PHF1: variants seen among roughly 807,000 people sequenced by gnomAD.
PHF1 encodes polycomb-like 1.
In PHF1, 16 loss-of-function variants were observed where a neutral mutation model predicts 69.4. That is an observed-to-expected ratio of 0.23 (90% CI 0.16 to 0.35). PHF1 has a LOEUF of 0.35. Ranked by LOEUF, PHF1 falls within the 10% of genes least tolerant of loss-of-function variation. PHF1 has a pLI of 1.00. For missense variants in PHF1, 515 were observed against 732.8 expected (o/e 0.70, Z 3.43); for synonymous variants, 274 against 275.0 (o/e 1.00, Z 0.04).
chr6:33,416,264 T>C lies in PHF1; in HGVS notation c.*166T>C, dbSNP rs552385077. 32 of 528,836 alleles carry C rather than the reference T, an allele frequency of 6.1e-5. No homozygotes were observed. In the Admixed American group the frequency reaches 9.1e-4, roughly 15 times the overall value. The allele number at this position is 528,836 out of a possible 1,614,324, so 32.8% of individuals were successfully genotyped here. A position where few individuals can be genotyped will look rare whatever the true frequency, so the allele number is the denominator to read the frequency against. On this transcript the variant is annotated 3_prime_UTR_variant, in exon 15 of 15. Coordinates refer to ENST00000374516, the MANE Select transcript of PHF1 (RefSeq NM_024165.3). Reference sequence around the variant, plus strand: ...GGAGTGGGGAAGAGGCCCTCTTCTCTACCCTCCTTCATGATTCCTGACCCC... The same window carrying C: ...GGAGTGGGGAAGAGGCCCTCTTCTCCACCCTCCTTCATGATTCCTGACCCC...
Position 33,415,021 on chromosome 6 carries a change from G to T in PHF1, c.1116G>T (p.Glu372Asp), listed in dbSNP as rs996557732. ...SRPLGKRRRP[E>D]PEPLRRRQKG... ...CCCTGGGGAAGCGCCGGAGGCCGGA[G>T]CCAGAGCCCCTGAGGAGGAGGCAGA... is the stretch of plus-strand genomic sequence containing the variant. Residue 372 changes from glutamate (E) to aspartate (D), a missense_variant, in exon 12 of 15, where the codon GAG (glutamate) becomes GAT (aspartate). This residue lies in a region of PHF1 where 274 missense variants were observed against 304.5 expected (regional missense o/e 0.90). Transcript: ENST00000374516. 1.3e-6 allele frequency: 2 copies of T among 1,577,168 alleles called. No homozygotes were observed. The highest frequency in any genetic ancestry group is 2.7e-5 in the African/African-American group (2 of 73,668).
chr6:33,412,161 CA>C lies in PHF1; in HGVS notation c.-16-86del, dbSNP rs1322027652. On this transcript the variant is annotated intron_variant, in intron 1 of 14. Coordinates refer to ENST00000374516, the MANE Select transcript of PHF1 (RefSeq NM_024165.3). This position sits in a 1 kb window ranked among gnomAD's most constrained non-coding sequence, Gnocchi z 4.2. ...TGGGCGACAGAGCAAAACTCCATCT[CA>C]GGAAAAAAAAAAAAAAAAGAAAAAG... is the stretch of plus-strand genomic sequence containing the variant. 2.1e-6 allele frequency: 2 copies of C among 953,652 alleles called. No individual in the cohort carries two copies. Among genetic ancestry groups the C allele is most frequent in the Non-Finnish European group, 3.0e-6 (2 of 658,412 alleles). The allele number at this position is 953,652 out of a possible 1,614,324, so 59.1% of individuals were successfully genotyped here.
chr6:33,411,488 C>T (rs1187084032), intron 1 of PHF1, among the ~76,000 whole-genome samples: 1 of 152,002 alleles, frequency 6.6e-6, no homozygotes, highest in African/African-American at 2.4e-5. Context: ...CTTAATGAGA[C>T]GCGCAGGCCT....
Position 33,414,565 on chromosome 6 carries a change from G to A in PHF1, c.944+21G>A. The A allele has an allele frequency of 1.2e-6, 2 of 1,612,662 alleles. No homozygotes were observed. Among genetic ancestry groups the A allele is most frequent in the South Asian group, 2.2e-5 (2 of 91,038 alleles). On this transcript the variant is annotated intron_variant, in intron 10 of 14. Transcript: ENST00000374516. The surrounding 1 kb of genome is among the most constrained non-coding windows in gnomAD (Gnocchi z 5.0). ...GACCGGTGAGTTGGAGGGAAGAGGA[G>A]GCAAGGATGAGGCTCGGAAAGAGAT...
At chr6:33,410,505 G>C (rs1380846313), upstream of PHF1, 1 of 119,644 alleles carries the variant, frequency 8.4e-6, no homozygotes. Context: ...AGTCCTCCCA[G>C]GTGCCGCGCG....
In PHF1 at chr6:33,413,571, G is replaced by A. The variant is rs750120408; in HGVS notation, c.587+14G>A. On this transcript the variant is annotated intron_variant, in intron 6 of 14. Transcript: ENST00000374516. ...TGGCCCTGGGGAGTGAGTAATGAGA[G>A]GGGAGCAGACTGTGGAATGAATGAT... is the stretch of plus-strand genomic sequence containing the variant. 3 of 1,614,136 alleles carry A rather than the reference G, an allele frequency of 1.9e-6. No homozygotes were observed. In the East Asian group the frequency reaches 6.7e-5, roughly 36 times the overall value.
intron 13 of PHF1, 90 bp downstream of exon 13, chr6:33,415,419 C>G (rs565996743): frequency 5.5e-6 from 7 of 1,266,780 alleles, no homozygotes; most frequent in Non-Finnish European, 7.9e-6. Flanking sequence ...TTTCCCTCTC[C>G]CCCTTGGCTA....
chr6:33,411,420 G>T (rs920489690), intron 1 of PHF1, among the ~76,000 whole-genome samples: 2 of 152,064 alleles, frequency 1.3e-5, no homozygotes, highest in Non-Finnish European at 1.5e-5. Context: ...CTAACCCGGG[G>T]GCAGGGAGCC....
In PHF1 at chr6:33,415,834, T is replaced by G; in HGVS notation, c.1440T>G (p.Gly480=). 6.2e-7 allele frequency: 1 copy of G among 1,600,720 alleles called. No homozygotes were observed. Among genetic ancestry groups the G allele is most frequent in the South Asian group, 1.1e-5 (1 of 90,270 alleles). ...GGTCACCCCTGGAACTTCACATTGG[T>G]TTCCCCACAGACATCCCTAAAAGTG... ...PDRSPLELHI[G]FPTDIPKSAP... is the part of the protein sequence containing the mutation. The change falls in exon 15 of 15, where the codon GGT becomes GGG. Residue 480 remains glycine, a synonymous_variant. Transcript: ENST00000374516.
rs200495976 is a variant in PHF1, at chr6:33,415,900, C to A, written c.1506C>A (p.Ser502=). The A allele has an allele frequency of 6.2e-7, 1 of 1,613,342 alleles. No homozygotes were observed. Among genetic ancestry groups the A allele is most frequent in the Admixed American group, 1.7e-5 (1 of 59,936 alleles). ...SMTASSSSVS[S]PSPGLPRRSA... ...CTGCCTCATCTTCCTCAGTTTCATC[C>A]CCATCCCCAGGTCTTCCTAGACGCT... The change falls in exon 15 of 15, where the codon TCC becomes TCA. Residue 502 remains serine, a synonymous_variant. Coordinates refer to ENST00000374516, the MANE Select transcript of PHF1 (RefSeq NM_024165.3).
chr6:33,412,585 C>A lies in PHF1; in HGVS notation c.237C>A (p.Ser79Arg). 6.2e-7 allele frequency: 1 copy of A among 1,614,124 alleles called. No individual in the cohort carries two copies. Among genetic ancestry groups the A allele is most frequent in the Non-Finnish European group, 8.5e-7 (1 of 1,179,964 alleles). Reference sequence around the variant, plus strand: ...TTCTGGTTCTATGGAAAGACATTAGCCCTGGTAAGACTCTAGAGACCTGAG... The same window carrying A: ...TTCTGGTTCTATGGAAAGACATTAGACCTGGTAAGACTCTAGAGACCTGAG... ...SQFLVLWKDI[S>R]PAALPGEELL... The change falls in exon 3 of 15, where the codon AGC (serine) becomes AGA (arginine). Residue 79 changes from serine (S) to arginine (R), a missense_variant. Ser to Arg is a moderately radical substitution (Grantham distance 110, BLOSUM62 -1). Transcript: ENST00000374516. The surrounding 1 kb of genome is among the most constrained non-coding windows in gnomAD (Gnocchi z 4.2).
In PHF1 at chr6:33,415,865, C is replaced by G. The variant is rs377274632; in HGVS notation, c.1471C>G (p.His491Asp). The G allele has an allele frequency of 4.0e-5, 64 of 1,609,452 alleles. 1 individual carries two copies. The Middle Eastern group carries it at 9.9e-4, about 25-fold the overall frequency. The stretch of plus-strand genomic sequence containing the variant: ...CACAGACATCCCTAAAAGTGCCCCC[C>G]ACTCGATGACTGCCTCATCTTCCTC... ...FPTDIPKSAP[H>D]SMTASSSSVS... Residue 491 changes from histidine to aspartate, a missense_variant, in exon 15 of 15, where the codon CAC (histidine) becomes GAC (aspartate). His to Asp is a moderately conservative substitution (Grantham distance 81). This residue lies in a region of PHF1 where 274 missense variants were observed against 304.5 expected (regional missense o/e 0.90). Coordinates refer to ENST00000374516, the MANE Select transcript of PHF1 (RefSeq NM_024165.3).
intron 5 of PHF1, 35 bp from the exon 6 acceptor site, chr6:33,413,374 C>T (rs777163492): frequency 3.1e-6 from 5 of 1,613,140 alleles, no homozygotes; most frequent in Non-Finnish European, 4.2e-6. Flanking sequence ...CTCTCCCCAC[C>T]CCTCTGAAGC....
At chr6:33,410,553 G>A, upstream of PHF1, 1 of 9,902 alleles carries the variant, frequency 1.0e-4, no homozygotes, top group Non-Finnish European at 1.8e-4. Context: ...GCGGTGGGTG[G>A]GGCGCGACTC....
intron 13 of PHF1, 53 bp downstream of exon 13, chr6:33,415,382 C>A: frequency 7.0e-7 from 1 of 1,419,066 alleles, no homozygotes; most frequent in Non-Finnish European, 9.9e-7. Flanking sequence ...TTATTCACAT[C>A]TTCTGGACTT....
intron 6 of PHF1, 61 bp downstream of exon 6, chr6:33,413,618 T>C: frequency 2.5e-6 from 4 of 1,610,232 alleles, no homozygotes; most frequent in East Asian, 2.2e-5. Flanking sequence ...TCCCAGGAAA[T>C]GAAGGAAAAA....
Position 33,415,852 on chromosome 6 carries a change from T to C in PHF1, c.1458T>C (p.Pro486=). 6.2e-7 allele frequency: 1 copy of C among 1,607,428 alleles called. No homozygotes were observed. Among genetic ancestry groups the C allele is most frequent in the Non-Finnish European group, 8.5e-7 (1 of 1,175,110 alleles). The change falls in exon 15 of 15, where the codon CCT becomes CCC. Residue 486 remains proline, a synonymous_variant. Transcript: ENST00000374516. The part of the protein sequence containing the change: ...ELHIGFPTDI[P]KSAPHSMTAS... The stretch of plus-strand genomic sequence containing the variant: ...ACATTGGTTTCCCCACAGACATCCC[T>C]AAAAGTGCCCCCCACTCGATGACTG...
chr6:33,413,323 C>T lies in PHF1; in HGVS notation c.438+27C>T, dbSNP rs1562852662. 5.0e-6 allele frequency: 8 copies of T among 1,611,054 alleles called. No individual in the cohort carries two copies. In the African/African-American group the frequency reaches 9.4e-5, roughly 19 times the overall value. The stretch of plus-strand genomic sequence containing the variant: ...TAAAGGCACTTCCCTGTTACCCTTC[C>T]TGTGGGAGCCTCCCATCCACAGCCT... On this transcript the variant is annotated intron_variant, in intron 5 of 14. Coordinates refer to ENST00000374516, the MANE Select transcript of PHF1 (RefSeq NM_024165.3).
Position 33,414,990 on chromosome 6 carries a change from C to CA in PHF1, c.1086dup (p.Arg363ThrfsTer62), listed in dbSNP as rs773372494. ...GGGCAGGGCCCTGGGGGAGGGGTCT[C>CA]ACGTCCCCTGGGGAAGCGCCGGAGG... On this transcript the variant is annotated frameshift_variant, in exon 12 of 15. Coordinates refer to ENST00000374516, the MANE Select transcript of PHF1 (RefSeq NM_024165.3). LOFTEE classifies it high-confidence loss of function. The surrounding 1 kb of genome is among the most constrained non-coding windows in gnomAD (Gnocchi z 5.0). 1 of 1,554,502 alleles carries CA rather than the reference C, an allele frequency of 6.4e-7. No homozygotes were observed. Among genetic ancestry groups the CA allele is most frequent in the Non-Finnish European group, 8.7e-7 (1 of 1,149,520 alleles).
Sources: gnomAD v4.1 joint callset for allele counts (sites outside exome capture counted in the v4.1 genomes callset) on GRCh38, gnomAD v4.1.1 for gene constraint, gnomAD v4.1.1 regional missense constraint, Gnocchi (gnomAD v3.1) non-coding constraint, MANE v1.5 for transcripts, NCBI Gene and HGNC (gene_info 2026-07-23, HGNC 2026-07-21) for gene names.